Variants in CFAP47 observed in about 807,000 individuals in gnomAD.
The protein encoded by CFAP47 is cilia- and flagella-associated protein 47.
CFAP47 carries 29 observed loss-of-function variants against 148.1 expected under a neutral mutation model. The ratio of observed to expected loss-of-function variants is 0.20; its 90% CI spans 0.15 to 0.27. The LOEUF (loss-of-function observed/expected upper bound fraction) is 0.27. CFAP47 is among the 10% of genes least tolerant of loss of function. CFAP47 has a pLI of 1.00. For synonymous variants in CFAP47, 664 were observed against 577.3 expected, an observed-to-expected ratio of 1.15 and a Z score of -2.15; for missense variants, 1,872 against 1,697.5, an observed-to-expected ratio of 1.10 and a Z score of -1.81.
At chrX:36,174,401 G>GTCTTTACA (rs1452270712) in intron 39 of CFAP47, among the ~76,000 whole-genome samples, 1 of 109,944 alleles carries the variant, frequency 9.1e-6, no homozygotes, top group Non-Finnish European at 1.9e-5. Context: ...AGTCTCGATG[G>GTCTTTACA]TCTTTACATT....
At chrX:36,198,335 A>G (rs1285109813) in intron 42 of CFAP47, among the ~76,000 whole-genome samples, 1 of 112,136 alleles carries the variant, frequency 8.9e-6, no homozygotes, top group African/African-American at 3.2e-5. Flanking sequence ...TTGAAAGAGT[A>G]TATCTAAAGA....
intron 52 of CFAP47, 148 bp from the exon 53 acceptor site, chrX:36,300,924 A>G (rs782277900): frequency 2.7e-6 from 1 of 368,770 alleles, no homozygotes; most frequent in African/African-American, 2.7e-5. Context: ...AAATACATCT[A>G]CAAAAAGAGT....
intron 42 of CFAP47, among the ~76,000 whole-genome samples, chrX:36,199,961 A>G (rs1939961772): frequency 8.9e-6 from 1 of 111,957 alleles, no homozygotes; most frequent in Non-Finnish European, 1.9e-5. Flanking sequence ...TTCCATGTTC[A>G]TTTTGAAAGC....
intron 48 of CFAP47, among the ~76,000 whole-genome samples, chrX:36,248,535 C>T (rs965011511): frequency 6.2e-4 from 57 of 92,506 alleles, no homozygotes; most frequent in Non-Finnish European, 8.6e-4. Context: ...ACAACAGAGC[C>T]TGAAAAGACA....
chrX:36,049,400 G>A (rs1448983430), intron 26 of CFAP47, among the ~76,000 whole-genome samples: 2 of 108,718 alleles, frequency 1.8e-5, no homozygotes, highest in Non-Finnish European at 3.8e-5. Context: ...GTTTTCGAGG[G>A]TTACACTACT....
intron 29 of CFAP47, among the ~76,000 whole-genome samples, chrX:36,074,600 G>A (rs1203097570): frequency 9.0e-6 from 1 of 111,352 alleles, no homozygotes; most frequent in African/African-American, 3.3e-5. Context: ...GACTTATGGA[G>A]TTTTTTCAAA....
At chrX:35,947,729 A>G (rs1243271614) in intron 3 of CFAP47, among the ~76,000 whole-genome samples, 3 of 111,232 alleles carry the variant, frequency 2.7e-5, no homozygotes, top group African/African-American at 9.8e-5. Context: ...TAGTTGTGTG[A>G]CCTTGAACAA....
chrX:35,925,374 C>CA lies in CFAP47; in HGVS notation c.250-633dup, dbSNP rs756225778. Among the ~76,000 whole-genome samples, 1,006 of 103,901 alleles carry CA rather than the reference C, an allele frequency of 9.7e-3. 18 individuals carry two copies. The highest frequency in any genetic ancestry group is 0.032 in the African/African-American group (905 of 28,503). 90.2% of individuals were successfully genotyped at this position (103,901 alleles called of 115,157 possible). On this transcript the variant is annotated intron_variant, in intron 1 of 63. Coordinates refer to ENST00000378653, the MANE Select transcript of CFAP47 (RefSeq NM_001304548.2). The stretch of plus-strand genomic sequence containing the variant: ...TGAGCAACAGAGTGAGACTCCATCT[C>CA]AAAAAAAAAATAATAATGTATATCT...
intron 49 of CFAP47, among the ~76,000 whole-genome samples, chrX:36,277,998 A>G (rs112625809): frequency 0.044 from 4,854 of 111,500 alleles, 306 homozygotes; most frequent in African/African-American, 0.15. Context: ...TGAGGTGTCA[A>G]TCGGCCCCTA....
At chrX:36,236,901 A>G (rs1306513133) in intron 48 of CFAP47, 42 bp downstream of exon 48, 4 of 418,609 alleles carry the variant, frequency 9.6e-6, no homozygotes, top group African/African-American at 5.2e-5. Context: ...TTTTCTGAAT[A>G]TAGTGAATCA....
chrX:36,336,087 T>A (rs1205844131), intron 57 of CFAP47, among the ~76,000 whole-genome samples: 1 of 110,474 alleles, frequency 9.1e-6, no homozygotes, highest in Non-Finnish European at 1.9e-5. Context: ...GTCATACAGG[T>A]GGCCTAGTTA....
chrX:35,940,127 C>G lies in CFAP47; in HGVS notation c.402-1156C>G, dbSNP rs181102964. On this transcript the variant is annotated intron_variant, in intron 2 of 63. Transcript: ENST00000378653. ...AGTGTCTGTTCATGTCCTTCACCCA[C>G]TTTTTGATGGGGTTGTTTGTTTTTT... Among the ~76,000 whole-genome samples, 734 of 111,224 alleles carry G rather than the reference C, an allele frequency of 6.6e-3. 7 individuals are homozygous for G. The highest frequency in any genetic ancestry group is 9.2e-3 in the Middle Eastern group (2 of 217).
Position 36,113,861 on chromosome X carries a change from A to G in CFAP47, c.5320+9170A>G, listed in dbSNP as rs772803720. 3.8e-5 allele frequency among the ~76,000 whole-genome samples: 4 copies of G among 106,035 alleles called. No individual in the cohort carries two copies. In the South Asian group the frequency reaches 1.3e-3, roughly 35 times the overall value. 92.1% of individuals were successfully genotyped at this position (106,035 alleles called of 115,157 possible). A position where few individuals can be genotyped will look rare whatever the true frequency, so the allele number is the denominator to read the frequency against. ...GTCTCGCTCTGTCGCCCAGGCTGGA[A>G]TGCAGTGGCACGATCTCGGCTCACT... is the stretch of plus-strand genomic sequence containing the variant. On this transcript the variant is annotated intron_variant, in intron 33 of 63. Transcript: ENST00000378653.
chrX:36,227,774 CTATT>C (rs2146900049), intron 45 of CFAP47, among the ~76,000 whole-genome samples: 1 of 112,018 alleles, frequency 8.9e-6, no homozygotes, highest in Non-Finnish European at 1.9e-5. Context: ...TGTTTGTTGA[CTATT>C]TAAATAGTTT....
chrX:35,922,581 T>C (rs1935594553), intron 1 of CFAP47, among the ~76,000 whole-genome samples: 1 of 112,962 alleles, frequency 8.9e-6, no homozygotes, highest in Non-Finnish European at 1.9e-5. Flanking sequence ...CAAAGGCTTA[T>C]GTGGAAAATA....
intron 8 of CFAP47, among the ~76,000 whole-genome samples, chrX:35,963,421 C>A (rs1275106680): frequency 9.1e-6 from 1 of 110,016 alleles, no homozygotes; most frequent in Non-Finnish European, 1.9e-5. Context: ...ATTAGTTGTA[C>A]CTTAATAGAG....
intron 40 of CFAP47, among the ~76,000 whole-genome samples, chrX:36,186,217 T>C (rs1283303773): frequency 1.8e-5 from 2 of 111,549 alleles, no homozygotes; most frequent in Non-Finnish European, 3.8e-5. Context: ...ATAGATATGC[T>C]TAATACTACT....
At chrX:36,228,404 T>G (rs1486257757) in intron 45 of CFAP47, among the ~76,000 whole-genome samples, 1 of 110,806 alleles carries the variant, frequency 9.0e-6, no homozygotes, top group Non-Finnish European at 1.9e-5. Context: ...CCTGAGTGAC[T>G]TTGAGGAGCA....
intron 10 of CFAP47, among the ~76,000 whole-genome samples, chrX:35,968,139 C>T (rs1026424742): frequency 2.3e-4 from 25 of 110,385 alleles, no homozygotes; most frequent in African/African-American, 7.9e-4. Flanking sequence ...TACAAATAAT[C>T]ATCTTTGGAA....
Sources: allele counts gnomAD v4.1 joint callset (sites outside exome capture counted in the v4.1 genomes callset), GRCh38; gene constraint gnomAD v4.1.1; transcripts MANE v1.5; gene names NCBI Gene and HGNC (gene_info 2026-07-23, HGNC 2026-07-21).